Variants in KRT23 observed in about 807,000 individuals in gnomAD.
KRT23 encodes keratin 23.
In KRT23, 38 loss-of-function variants were observed where a neutral mutation model predicts 47.6. The observed-to-expected ratio is 0.80, with a 90% CI of 0.62 to 1.05. The LOEUF (loss-of-function observed/expected upper bound fraction) is 1.05. Among genes scored for constraint, KRT23 ranks in the 50% least tolerant of loss-of-function variants. KRT23 has a pLI of 0.00. For synonymous variants in KRT23, 191 were observed against 199.0 expected (o/e 0.96, Z 0.34); for missense variants, 503 against 529.5 (o/e 0.95, Z 0.49).
rs766435562 is a variant in KRT23, at chr17:40,936,611, T to C, written c.-8A>G. 5 of 1,511,884 alleles carry C rather than the reference T, an allele frequency of 3.3e-6. No individual in the cohort carries two copies. Among genetic ancestry groups the C allele is most frequent in the Admixed American group, 2.3e-5 (1 of 43,644 alleles). The allele number at this position is 1,511,884 out of a possible 1,614,324, so 93.7% of individuals were successfully genotyped here. A position where few individuals can be genotyped will look rare whatever the true frequency, so the allele number is the denominator to read the frequency against. The stretch of plus-strand genomic sequence containing the variant: ...GCTGTGTCCGGAGTTCATGGTCCCA[T>C]CTGTGTTTGGGACGGGGCTGAGCTC... On this transcript the variant is annotated 5_prime_UTR_variant, in exon 2 of 9. An upstream start codon of the reference 5' UTR is lost. Coordinates refer to ENST00000209718, the MANE Select transcript of KRT23 (RefSeq NM_015515.5).
At chr17:40,931,476 C>CATA (rs1375454964) in intron 2 of KRT23, 21 bp from the exon 3 acceptor site, 1 of 1,585,012 alleles carries the variant, frequency 6.3e-7, no homozygotes, top group Admixed American at 1.7e-5. Context: ...TGCACAAAAG[C>CATA]ACAAAAGGTT....
At chr17:40,929,027 CA>C (rs3067615) in intron 4 of KRT23, among the ~76,000 whole-genome samples, 4,937 of 64,260 alleles carry the variant, frequency 0.077, 23 homozygotes, top group South Asian at 0.12. Flanking sequence ...ACCCTGTCTC[CA>C]AAAAAAAAAA....
chr17:40,928,634 AAC>A (rs1208174467), intron 4 of KRT23, 27 bp from the exon 5 acceptor site: 1 of 1,602,552 alleles, frequency 6.2e-7, no homozygotes. Context: ...AAAGGAAATG[AAC>A]CGGCTTTGAC....
Position 40,931,391 on chromosome 17 carries a change from A to G in KRT23, c.461T>C (p.Val154Ala). The change falls in exon 3 of 9, where the codon GTG becomes GCG. Residue 154 changes from valine to alanine, a missense_variant. Transcript: ENST00000209718. ...AACTTACTTGAGGTTGAAGTCATCC[A>G]CTGCCATCCTGGCATTGTCAATGAG... Reference protein sequence around the residue: ...ILLIDNARMAVDDFNLKYENE... With the variant: ...ILLIDNARMAADDFNLKYENE... The G allele has an allele frequency of 6.2e-7, 1 of 1,612,442 alleles. No homozygotes were observed.
At chr17:40,926,039 G>A (rs1409769395) in intron 6 of KRT23, among the ~76,000 whole-genome samples, 2 of 151,842 alleles carry the variant, frequency 1.3e-5, no homozygotes, top group East Asian at 3.9e-4. Flanking sequence ...CTTTTTATTT[G>A]AAATTCCAAC....
In KRT23 at chr17:40,937,617, T is replaced by G. The variant is rs7218931; in HGVS notation, c.-622A>C. 2.0e-4 allele frequency: 30 copies of G among 152,204 alleles called. No individual in the cohort carries two copies. Among genetic ancestry groups the G allele is most frequent in the Admixed American group, 1.4e-3 (22 of 15,284 alleles). 9.4% of individuals were successfully genotyped at this position (152,204 alleles called of 1,614,324 possible). A position where few individuals can be genotyped will look rare whatever the true frequency, so the allele number is the denominator to read the frequency against. ...AGGTTAGGAATGAATAAAGAAGCAG[T>G]CTGGGGGCGGGAGCCACGTGCTAGT... On this transcript the variant is annotated 5_prime_UTR_variant, in exon 1 of 9. Transcript: ENST00000209718.
chr17:40,931,304 C>T (rs1219759579), intron 3 of KRT23, 69 bp downstream of exon 3: 26 of 1,201,254 alleles, frequency 2.2e-5, no homozygotes, highest in Non-Finnish European at 3.0e-5. Flanking sequence ...GCCACCGCGC[C>T]CCGCCGAGTT....
At chr17:40,925,276 GAAC>G in intron 7 of KRT23, 75 bp downstream of exon 7, 1 of 1,249,264 alleles carries the variant, frequency 8.0e-7, no homozygotes, top group Middle Eastern at 2.7e-4. Flanking sequence ...CTTGCTAACA[GAAC>G]CCAAAGATGC....
chr17:40,929,436 A>G (rs1038534060), intron 4 of KRT23, among the ~76,000 whole-genome samples: 1 of 152,242 alleles, frequency 6.6e-6, no homozygotes, highest in African/African-American at 2.4e-5. Context: ...TGTTTTCCTA[A>G]AATGGGAACT....
chr17:40,933,729 G>T (rs34914989), intron 2 of KRT23, among the ~76,000 whole-genome samples: 7 of 152,262 alleles, frequency 4.6e-5, no homozygotes, highest in Middle Eastern at 6.8e-3. Context: ...GGCTTACTTA[G>T]TACAGAATTA....
At chr17:40,928,151 T>G in intron 6 of KRT23, 87 bp downstream of exon 6, 1 of 1,532,182 alleles carries the variant, frequency 6.5e-7, no homozygotes, top group Non-Finnish European at 9.0e-7. Context: ...CCCAAGGGAG[T>G]TGAGGGTCAG....
intron 6 of KRT23, among the ~76,000 whole-genome samples, chr17:40,927,276 G>C (rs751548659): frequency 7.2e-5 from 11 of 152,216 alleles, no homozygotes; most frequent in Non-Finnish European, 1.5e-4. Flanking sequence ...CAGTGCTAAG[G>C]ATTGGTGTCA....
chr17:40,922,949 G>T lies in KRT23; in HGVS notation c.*40C>A. 1 of 1,462,136 alleles carries T rather than the reference G, an allele frequency of 6.8e-7. No homozygotes were observed. The highest frequency in any genetic ancestry group is 1.1e-5 in the South Asian group (1 of 87,740). 90.6% of individuals were successfully genotyped at this position (1,462,136 alleles called of 1,614,324 possible). On this transcript the variant is annotated 3_prime_UTR_variant, in exon 9 of 9. Coordinates refer to ENST00000209718, the MANE Select transcript of KRT23 (RefSeq NM_015515.5). ...TGTCTGTGCAAGGACTTTCCTTGGG[G>T]GAAAATAGATTTTACAACAGGCGGA...
chr17:40,937,299 G>A (rs979522784), intron 1 of KRT23, 47 bp downstream of exon 1: 11 of 152,178 alleles, frequency 7.2e-5, no homozygotes, highest in African/African-American at 2.4e-4. Context: ...TCGCTCTTAA[G>A]AACAAACCCT....
rs770183217 is a variant in KRT23 at position 40,928,295 on chromosome 17, G to A, written c.864C>T (p.His288=). ...ATVQSRQGDI[H]ELKRTFQALE... is the part of the protein sequence containing the mutation. ...GGGCCTGGAATGTGCGCTTCAGTTC[G>A]TGGATGTCACCTTGTCTGCTCTGCA... Residue 288 remains histidine (H), a synonymous_variant, in exon 6 of 9, where the codon CAC becomes CAT. Transcript: ENST00000209718. The A allele has an allele frequency of 7.4e-6, 12 of 1,614,172 alleles. No individual in the cohort carries two copies. The highest frequency in any genetic ancestry group is 5.5e-5 in the South Asian group (5 of 91,080).
Position 40,923,027 on chromosome 17 carries a change from C to A in KRT23, c.1231G>T (p.Val411Phe). The A allele has an allele frequency of 1.2e-6, 2 of 1,614,082 alleles. No individual in the cohort carries two copies. Among genetic ancestry groups the A allele is most frequent in the South Asian group, 2.2e-5 (2 of 91,078 alleles). Residue 411 changes from valine to phenylalanine, a missense_variant, in exon 9 of 9, where the codon GTT becomes TTT. Val to Phe is a conservative substitution (Grantham distance 50, BLOSUM62 -1). Transcript: ENST00000209718. ...TGGATTTCATTCACTTGACAAAGAA[C>A]TAATCTTCCGTTGATGGTCTCCTGG... ...ITQETINGRL[V>F]LCQVNEIQKH...
chr17:40,936,183 T>A, intron 2 of KRT23, 25 bp downstream of exon 2: 1 of 1,613,524 alleles, frequency 6.2e-7, no homozygotes, highest in Non-Finnish European at 8.5e-7. Context: ...CCCATCTGGA[T>A]CTCCAGGGTC....
Position 40,931,379 on chromosome 17 carries a change from T to G in KRT23, c.473A>C (p.Asn158Thr). ...CTGTGAAGAAGGAACTTACTTGAGG[T>G]TGAAGTCATCCACTGCCATCCTGGC... Reference protein sequence around the residue: ...DNARMAVDDFNLKYENEHSFK... With the variant: ...DNARMAVDDFTLKYENEHSFK... Residue 158 changes from asparagine to threonine, a missense_variant, in exon 3 of 9, where the codon AAC (asparagine) becomes ACC (threonine). Asn to Thr is a moderately conservative substitution (Grantham distance 65). Transcript: ENST00000209718. The G allele has an allele frequency of 6.2e-7, 1 of 1,609,726 alleles. No individual in the cohort carries two copies. Among genetic ancestry groups the G allele is most frequent in the Non-Finnish European group, 8.5e-7 (1 of 1,175,986 alleles).
At position 40,933,899 on chromosome 17, in the gene KRT23, A is replaced by G. The variant is rs150557606; in HGVS notation, c.396+2309T>C. Among the ~76,000 whole-genome samples, 1,253 of 152,322 alleles carry G rather than the reference A, an allele frequency of 8.2e-3. 14 individuals are homozygous for G. The highest frequency in any genetic ancestry group is 0.029 in the African/African-American group (1,196 of 41,564). On this transcript the variant is annotated intron_variant, in intron 2 of 8. Transcript: ENST00000209718. The stretch of plus-strand genomic sequence containing the variant: ...TTCATTCTTTTAAAAGCAAGTTGGC[A>G]TATTCTTGCAGCATTGTTGCTTCAG...
Sources: gnomAD v4.1 joint callset for allele counts (sites outside exome capture counted in the v4.1 genomes callset) on GRCh38, gnomAD v4.1.1 for gene constraint, MANE v1.5 for transcripts, NCBI Gene and HGNC (gene_info 2026-07-23, HGNC 2026-07-21) for gene names.